The following SCTR variants were observed in gnomAD, a reference collection of about 807,000 sequenced individuals.
SCTR encodes the protein secretin receptor.
A neutral mutation model predicts 60.8 loss-of-function variants in SCTR; 56 were observed. The observed-to-expected ratio is 0.92, with a 90% CI of 0.74 to 1.15. SCTR has a LOEUF of 1.15. Ranked by LOEUF, SCTR falls within the 50% of genes most tolerant of loss-of-function variation. SCTR has a pLI of 0.00. For synonymous variants in SCTR, 202 were observed against 217.0 expected, an observed-to-expected ratio of 0.93 and a Z score of 0.61; for missense variants, 562 against 550.4, an observed-to-expected ratio of 1.02 and a Z score of -0.21.
At chr2:119,457,574 G>A (rs2104788086) in intron 7 of SCTR, among the ~76,000 whole-genome samples, 1 of 152,288 alleles carries the variant, frequency 6.6e-6, no homozygotes, top group African/African-American at 2.4e-5. Context: ...TCAGCCAGAT[G>A]TGGTGGCATG....
chr2:119,487,887 A>G (rs60425022), intron 2 of SCTR, among the ~76,000 whole-genome samples: 8,377 of 151,994 alleles, frequency 0.055, 768 homozygotes, highest in African/African-American at 0.19. Flanking sequence ...TGCACCCTCA[A>G]CGGAGAGCCC....
At chr2:119,451,557 G>A (rs1437673179) in intron 9 of SCTR, among the ~76,000 whole-genome samples, 3 of 152,132 alleles carry the variant, frequency 2.0e-5, no homozygotes, top group Admixed American at 6.5e-5. Flanking sequence ...GCACTGCAAA[G>A]TCCCAAGACC....
At chr2:119,442,152 C>G (rs771646131) in intron 11 of SCTR, among the ~76,000 whole-genome samples, 4 of 152,338 alleles carry the variant, frequency 2.6e-5, no homozygotes, top group Non-Finnish European at 4.4e-5. Flanking sequence ...GGTGCACCTC[C>G]GTGCTCAGAG....
intron 7 of SCTR, among the ~76,000 whole-genome samples, chr2:119,454,228 G>A (rs570017335): frequency 1.8e-4 from 28 of 152,304 alleles, no homozygotes; most frequent in Non-Finnish European, 2.9e-4. Flanking sequence ...CCGGTACCCA[G>A]GAGGCAGGCG....
intron 3 of SCTR, 82 bp downstream of exon 3, chr2:119,478,729 G>T: frequency 7.7e-7 from 1 of 1,292,330 alleles, no homozygotes; most frequent in Non-Finnish European, 1.1e-6. Flanking sequence ...AAGGTTCCTT[G>T]GCCTCCTGCC....
At chr2:119,455,247 CCAGA>C (rs368318381) in intron 7 of SCTR, among the ~76,000 whole-genome samples, 4 of 152,310 alleles carry the variant, frequency 2.6e-5, no homozygotes, top group Non-Finnish European at 4.4e-5. Context: ...CTGAACAGCC[CCAGA>C]CAAAGAGCCT....
At chr2:119,465,712 C>T (rs1183816902) in intron 5 of SCTR, 77 bp downstream of exon 5, 9 of 960,150 alleles carry the variant, frequency 9.4e-6, no homozygotes, top group Non-Finnish European at 1.5e-5. Flanking sequence ...CTCTTTCTGT[C>T]CTGGGTGGTT....
chr2:119,493,458 G>A (rs1224547284), intron 2 of SCTR, among the ~76,000 whole-genome samples: 2 of 152,104 alleles, frequency 1.3e-5, no homozygotes, highest in African/African-American at 4.8e-5. Flanking sequence ...GCAAAGATGA[G>A]ACGTTTAGTA....
chr2:119,507,677 T>TTC (rs765384074), intron 1 of SCTR, among the ~76,000 whole-genome samples: 25,594 of 126,542 alleles, frequency 0.2, 2,318 homozygotes, highest in East Asian at 0.55. Flanking sequence ...TTTTTTTTTT[T>TTC]TTCTTTTTTT....
At chr2:119,482,673 C>T (rs964733276) in intron 2 of SCTR, among the ~76,000 whole-genome samples, 4 of 152,340 alleles carry the variant, frequency 2.6e-5, no homozygotes, top group African/African-American at 9.6e-5. Context: ...TACATTCCAG[C>T]TGTGGACGCT....
At chr2:119,452,639 A>T (rs1398940739) in intron 8 of SCTR, among the ~76,000 whole-genome samples, 1 of 152,202 alleles carries the variant, frequency 6.6e-6, no homozygotes, top group Non-Finnish European at 1.5e-5. Context: ...TACAAAAATT[A>T]CTTTGAAGCA....
intron 2 of SCTR, among the ~76,000 whole-genome samples, chr2:119,482,058 C>T (rs1019241361): frequency 6.6e-6 from 1 of 152,216 alleles, no homozygotes; most frequent in African/African-American, 2.4e-5. Flanking sequence ...TCCCAGGCCA[C>T]ACAGCCAGGA....
chr2:119,441,864 C>T (rs1305784000), intron 11 of SCTR, among the ~76,000 whole-genome samples: 2 of 152,146 alleles, frequency 1.3e-5, no homozygotes, highest in African/African-American at 2.4e-5. Flanking sequence ...AGGGGGGCTG[C>T]TAACCCAGCC....
intron 9 of SCTR, among the ~76,000 whole-genome samples, chr2:119,451,507 C>T (rs1683168900): frequency 6.6e-6 from 1 of 152,238 alleles, no homozygotes; most frequent in African/African-American, 2.4e-5. Flanking sequence ...CCCAGCATCT[C>T]TTCCCTGGGG....
intron 1 of SCTR, among the ~76,000 whole-genome samples, chr2:119,500,683 A>G (rs1409799432): frequency 2.0e-5 from 3 of 152,240 alleles, no homozygotes; most frequent in Non-Finnish European, 4.4e-5. Flanking sequence ...GGTGGATCAC[A>G]TGAAGATAGA....
At chr2:119,441,785 G>C (rs1046414642) in intron 11 of SCTR, 186 bp from the exon 12 acceptor site, 15 of 598,898 alleles carry the variant, frequency 2.5e-5, no homozygotes, top group Non-Finnish European at 3.7e-5. Context: ...GGCTGTGCTG[G>C]CTCATCCAGC....
Position 119,446,404 on chromosome 2 carries a change from G to A in SCTR, c.1140+355C>T, listed in dbSNP as rs77818016. ...CCAAACACCCGCCCCACGCTCCCGCGAGGCTCATCTTCCCGCCCCAGTGTT... is the reference window on the plus strand; with the variant it reads ...CCAAACACCCGCCCCACGCTCCCGCAAGGCTCATCTTCCCGCCCCAGTGTT... On this transcript the variant is annotated intron_variant, in intron 11 of 12. Coordinates refer to ENST00000019103, the MANE Select transcript of SCTR (RefSeq NM_002980.3). 4.2e-3 allele frequency among the ~76,000 whole-genome samples: 640 copies of A among 152,250 alleles called. 3 individuals are homozygous for A. Among genetic ancestry groups the A allele is most frequent in the African/African-American group, 0.014 (578 of 41,534 alleles).
intron 7 of SCTR, among the ~76,000 whole-genome samples, chr2:119,458,614 A>G (rs1422092334): frequency 1.3e-5 from 2 of 152,054 alleles, no homozygotes; most frequent in Non-Finnish European, 2.9e-5. Flanking sequence ...AAAAAAAAAA[A>G]AGTCTTGCCT....
At chr2:119,445,337 C>T (rs1485185427) in intron 11 of SCTR, among the ~76,000 whole-genome samples, 1 of 152,228 alleles carries the variant, frequency 6.6e-6, no homozygotes, top group East Asian at 1.9e-4. Context: ...CCCTGGCCCC[C>T]AGGCCGAGAG....
Sources: gnomAD v4.1 joint callset for allele counts (sites outside exome capture counted in the v4.1 genomes callset) on GRCh38, gnomAD v4.1.1 for gene constraint, MANE v1.5 for transcripts, NCBI Gene and HGNC (gene_info 2026-07-23, HGNC 2026-07-21) for gene names.